The following WDR35 variants were observed in gnomAD, a reference collection of about 807,000 sequenced individuals.
WDR35 encodes the protein WD repeat domain 35, also known as WD repeat-containing protein 35.
Under a neutral mutation model 158.3 loss-of-function variants are expected in WDR35, and 118 were observed. The observed-to-expected ratio is 0.75, with a 90% confidence interval of 0.64 to 0.87. The LOEUF is 0.87. Among genes scored for constraint, WDR35 ranks in the 40% least tolerant of loss-of-function variants. The pLI is 0.00. For synonymous variants in WDR35, 448 were observed against 476.1 expected (o/e 0.94, Z 0.77); for missense variants, 1,263 against 1,405.8 (o/e 0.90, Z 1.62).
At chr2:19,938,504 C>G in intron 17 of WDR35, 103 bp from the exon 18 acceptor site, 1 of 1,413,830 alleles carries the variant, frequency 7.1e-7, no homozygotes, top group Non-Finnish European at 9.6e-7. Flanking sequence ...AGAAAAAAAA[C>G]GGCATCATAT....
At chr2:19,979,196 C>A (rs1331260606) in intron 4 of WDR35, among the ~76,000 whole-genome samples, 1 of 152,000 alleles carries the variant, frequency 6.6e-6, no homozygotes, top group Non-Finnish European at 1.5e-5. Context: ...TTTTTCAGAG[C>A]TAAAACTACT....
chr2:19,952,974 A>G (rs1191775), intron 12 of WDR35, among the ~76,000 whole-genome samples: 151,583 of 151,868 alleles, frequency 1, 75,649 homozygotes, highest in Non-Finnish European at 1. Flanking sequence ...GTCTTAAAGG[A>G]AAGGCAAGGG....
chr2:19,947,813 G>A lies in WDR35; in HGVS notation c.1524+351C>T, dbSNP rs560047960. ...AACTGTAAGTGTACTCTGTCTTCTC[G>A]GCTGGTCATCCCTGTACTGCTTTCA... On this transcript the variant is annotated intron_variant, in intron 14 of 26. Coordinates refer to ENST00000281405, the MANE Select transcript of WDR35 (RefSeq NM_020779.4). Among the ~76,000 whole-genome samples the A allele has an allele frequency of 6.6e-5, 10 of 152,134 alleles. No homozygotes were observed. The South Asian group carries it at 8.3e-4, about 13-fold the overall frequency.
intron 25 of WDR35, among the ~76,000 whole-genome samples, chr2:19,927,366 A>G (rs911049953): frequency 6.6e-6 from 1 of 152,236 alleles, no homozygotes; most frequent in Admixed American, 6.5e-5. Context: ...ATTGCAGAAC[A>G]GGCAGAGGTG....
intron 25 of WDR35, among the ~76,000 whole-genome samples, chr2:19,928,809 ATT>A (rs35345285): frequency 2.9e-4 from 42 of 144,712 alleles, no homozygotes; most frequent in East Asian, 1.2e-3. Flanking sequence ...GGAAGATACT[ATT>A]TTTTTTTTTT....
At chr2:19,980,202 C>T (rs576334275) in intron 4 of WDR35, among the ~76,000 whole-genome samples, 2 of 152,262 alleles carry the variant, frequency 1.3e-5, no homozygotes, top group East Asian at 1.9e-4. Flanking sequence ...TTCATTCATT[C>T]AACAAATATT....
intron 6 of WDR35, 64 bp downstream of exon 6, chr2:19,975,466 T>C: frequency 5.9e-6 from 9 of 1,522,204 alleles, no homozygotes; most frequent in Non-Finnish European, 8.1e-6. Flanking sequence ...TATACAAACA[T>C]GAATGATATG....
chr2:19,970,241 C>G (rs1671996801), intron 8 of WDR35, among the ~76,000 whole-genome samples: 2 of 152,148 alleles, frequency 1.3e-5, no homozygotes, highest in Admixed American at 6.5e-5. Context: ...GATGCCTCCT[C>G]ATTTTAAAGT....
intron 25 of WDR35, among the ~76,000 whole-genome samples, chr2:19,924,477 T>C (rs1359947759): frequency 6.6e-6 from 1 of 152,104 alleles, no homozygotes; most frequent in African/African-American, 2.4e-5. Context: ...GGCAGGAGAA[T>C]GGCGTGAACC....
At chr2:19,987,239 G>A (rs746695334) in intron 2 of WDR35, among the ~76,000 whole-genome samples, 18 of 152,152 alleles carry the variant, frequency 1.2e-4, no homozygotes, top group Non-Finnish European at 2.2e-4. Flanking sequence ...GTTACTGGAC[G>A]GATCTGCTGA....
chr2:19,960,347 CA>C (rs1467340455), intron 11 of WDR35, among the ~76,000 whole-genome samples: 1 of 151,970 alleles, frequency 6.6e-6, no homozygotes, highest in Non-Finnish European at 1.5e-5. Flanking sequence ...CTGTCTTAAC[CA>C]GGATACTTTT....
At chr2:19,956,583 C>A (rs1671440003) in intron 11 of WDR35, among the ~76,000 whole-genome samples, 1 of 151,018 alleles carries the variant, frequency 6.6e-6, no homozygotes, top group African/African-American at 2.4e-5. Flanking sequence ...TATAGCATAG[C>A]ACAGTGCCTG....
At chr2:19,916,733 A>C (rs1670002838) in intron 25 of WDR35, among the ~76,000 whole-genome samples, 1 of 152,156 alleles carries the variant, frequency 6.6e-6, no homozygotes, top group Non-Finnish European at 1.5e-5. Context: ...CCAGTCAGGG[A>C]CTTATAGATA....
At chr2:19,920,453 C>T (rs754245316) in intron 25 of WDR35, among the ~76,000 whole-genome samples, 3 of 152,198 alleles carry the variant, frequency 2.0e-5, no homozygotes, top group Non-Finnish European at 2.9e-5. Context: ...TATAATCCAC[C>T]ACATAAACAA....
chr2:19,982,078 T>C (rs1408765364), intron 3 of WDR35, among the ~76,000 whole-genome samples: 2 of 152,216 alleles, frequency 1.3e-5, no homozygotes, highest in African/African-American at 4.8e-5. Flanking sequence ...GCAATGCACA[T>C]TCAGTAGAAA....
intron 11 of WDR35, among the ~76,000 whole-genome samples, chr2:19,955,190 T>C (rs895084631): frequency 5.9e-5 from 9 of 152,308 alleles, no homozygotes; most frequent in African/African-American, 1.9e-4. Flanking sequence ...GACCTCACCA[T>C]CTGCCCGCCT....
intron 22 of WDR35, 41 bp from the exon 23 acceptor site, chr2:19,932,488 C>T: frequency 1.2e-6 from 2 of 1,610,834 alleles, no homozygotes; most frequent in African/African-American, 1.3e-5. Context: ...CAAGTATTTA[C>T]AGTCACATAT....
At chr2:19,974,205 T>TA (rs1485415520) in intron 7 of WDR35, among the ~76,000 whole-genome samples, 4 of 151,876 alleles carry the variant, frequency 2.6e-5, no homozygotes, top group Non-Finnish European at 5.9e-5. Flanking sequence ...GGTCAGGAGA[T>TA]AGAGACTATC....
Position 19,913,390 on chromosome 2 carries a change from G to T in WDR35, c.*168C>A. The T allele has an allele frequency of 2.7e-6, 2 of 736,754 alleles. No homozygotes were observed. The highest frequency in any genetic ancestry group is 4.2e-6 in the Non-Finnish European group (2 of 479,772). The allele number at this position is 736,754 out of a possible 1,614,324, so 45.6% of individuals were successfully genotyped here. A position where few individuals can be genotyped will look rare whatever the true frequency, so the allele number is the denominator to read the frequency against. ...GGCCTTATTATTTCACAGTTGTATT[G>T]CCATAAAAATTATTTTATTAACATA... On this transcript the variant is annotated 3_prime_UTR_variant, in exon 27 of 27. Transcript: ENST00000281405.
Sources: allele counts gnomAD v4.1 joint callset (sites outside exome capture counted in the v4.1 genomes callset), GRCh38; gene constraint gnomAD v4.1.1; transcripts MANE v1.5; gene names NCBI Gene and HGNC (gene_info 2026-07-23, HGNC 2026-07-21).